The following EHBP1 variants were observed in gnomAD, a reference collection of about 807,000 sequenced individuals.
EHBP1 encodes the protein EH domain-binding protein 1.
EHBP1 carries 55 observed loss-of-function variants against 144.0 expected under a neutral mutation model. That is an observed-to-expected ratio of 0.38 (90% CI 0.31 to 0.48). EHBP1 has a LOEUF of 0.48. Ranked by LOEUF, EHBP1 falls within the 20% of genes least tolerant of loss-of-function variation. The pLI is 0.98. For missense variants in EHBP1, 1,200 were observed against 1,364.2 expected, an observed-to-expected ratio of 0.88 and a Z score of 1.90; for synonymous variants, 469 against 472.7, an observed-to-expected ratio of 0.99 and a Z score of 0.10.
chr2:62,782,269 A>G (rs755572606), intron 5 of EHBP1, among the ~76,000 whole-genome samples: 165 of 152,254 alleles, frequency 1.1e-3, no homozygotes, highest in Non-Finnish European at 1.7e-3. Flanking sequence ...TGGTAAATGT[A>G]TAATGATAGC....
chr2:62,826,355 A>G, intron 6 of EHBP1, 87 bp downstream of exon 6: 1 of 1,188,156 alleles, frequency 8.4e-7, no homozygotes, highest in Non-Finnish European at 1.1e-6. Flanking sequence ...ATAGTTGAAC[A>G]TCTTACAGCA....
chr2:62,881,436 AAAAG>A (rs1442237527), intron 10 of EHBP1, among the ~76,000 whole-genome samples: 1 of 151,426 alleles, frequency 6.6e-6, no homozygotes, highest in East Asian at 1.9e-4. Context: ...AAAAAAAAAA[AAAAG>A]AAGGAAAGGA....
intron 2 of EHBP1, among the ~76,000 whole-genome samples, chr2:62,720,938 C>T (rs1046989730): frequency 6.6e-6 from 1 of 152,194 alleles, no homozygotes; most frequent in East Asian, 1.9e-4. Flanking sequence ...CATATCACAT[C>T]ACCCAGCTTT....
chr2:62,961,987 C>A (rs2058024739), intron 14 of EHBP1, among the ~76,000 whole-genome samples: 1 of 152,056 alleles, frequency 6.6e-6, no homozygotes. Flanking sequence ...GAGATTGCGC[C>A]ACTACACTCC....
chr2:63,027,220 T>C (rs561774576), intron 19 of EHBP1, among the ~76,000 whole-genome samples: 119 of 152,316 alleles, frequency 7.8e-4, no homozygotes, highest in African/African-American at 2.7e-3. Flanking sequence ...ATCACTACCA[T>C]TATTATTCCC....
chr2:62,861,207 G>A (rs1160979344), intron 8 of EHBP1, among the ~76,000 whole-genome samples: 1 of 140,774 alleles, frequency 7.1e-6, no homozygotes, highest in Non-Finnish European at 1.5e-5. Flanking sequence ...TCGGCTCACT[G>A]CAACGTCCAA....
At chr2:62,859,712 A>G (rs1237073263) in intron 8 of EHBP1, among the ~76,000 whole-genome samples, 1 of 152,204 alleles carries the variant, frequency 6.6e-6, no homozygotes, top group African/African-American at 2.4e-5. Context: ...TGAGTTATGC[A>G]TGTGAAAACA....
At chr2:62,720,723 G>C (rs1332624357) in intron 2 of EHBP1, among the ~76,000 whole-genome samples, 1 of 152,152 alleles carries the variant, frequency 6.6e-6, no homozygotes, top group Non-Finnish European at 1.5e-5. Context: ...TGCAAAGATA[G>C]TACAGAGCAG....
intron 10 of EHBP1, among the ~76,000 whole-genome samples, chr2:62,883,592 A>G (rs941738705): frequency 6.6e-6 from 1 of 152,224 alleles, no homozygotes; most frequent in Non-Finnish European, 1.5e-5. Flanking sequence ...AGCCGTCTAT[A>G]GTCCCAGCTA....
At chr2:62,769,765 G>T (rs879208081) in intron 4 of EHBP1, among the ~76,000 whole-genome samples, 2 of 147,246 alleles carry the variant, frequency 1.4e-5, no homozygotes, top group Non-Finnish European at 3.0e-5. Flanking sequence ...ATACTGCAGG[G>T]CTATAATAAC....
At chr2:62,984,619 T>C (rs2059113397) in intron 15 of EHBP1, among the ~76,000 whole-genome samples, 1 of 152,260 alleles carries the variant, frequency 6.6e-6, no homozygotes. Flanking sequence ...AGGAAATATG[T>C]AACATTAACT....
intron 10 of EHBP1, among the ~76,000 whole-genome samples, chr2:62,890,333 A>G (rs1161741172): frequency 6.6e-6 from 1 of 152,124 alleles, no homozygotes; most frequent in Non-Finnish European, 1.5e-5. Context: ...TTTGGGCAAT[A>G]TGGCCATTTT....
chr2:63,024,892 A>C (rs796440473), intron 19 of EHBP1, among the ~76,000 whole-genome samples: 27 of 152,112 alleles, frequency 1.8e-4, no homozygotes, highest in African/African-American at 5.1e-4. Flanking sequence ...GCTACTCAGG[A>C]GGCTGAGGCA....
chr2:62,678,336 C>G (rs746655835), intron 1 of EHBP1, among the ~76,000 whole-genome samples: 2 of 152,100 alleles, frequency 1.3e-5, no homozygotes, highest in Non-Finnish European at 2.9e-5. Flanking sequence ...GATTATTAGA[C>G]TTTTTCCTAT....
intron 5 of EHBP1, 172 bp downstream of exon 5, chr2:62,771,564 G>C (rs1236219498): frequency 2.0e-6 from 1 of 510,548 alleles, no homozygotes; most frequent in South Asian, 3.1e-5. Flanking sequence ...AAAATTATTT[G>C]TAAGAAATGC....
intron 10 of EHBP1, among the ~76,000 whole-genome samples, chr2:62,925,717 T>A (rs2055452441): frequency 6.6e-6 from 1 of 152,058 alleles, no homozygotes; most frequent in Non-Finnish European, 1.5e-5. Flanking sequence ...TGAAAGACTC[T>A]ACATGGAAAA....
At chr2:62,800,696 T>C (rs1206454491) in intron 5 of EHBP1, among the ~76,000 whole-genome samples, 1 of 152,226 alleles carries the variant, frequency 6.6e-6, no homozygotes, top group Non-Finnish European at 1.5e-5. Context: ...GCAACCTTAC[T>C]AACAGATTGT....
chr2:62,994,948 T>A (rs2059570675), intron 18 of EHBP1, among the ~76,000 whole-genome samples: 1 of 152,214 alleles, frequency 6.6e-6, no homozygotes, highest in African/African-American at 2.4e-5. Context: ...TTTCTATTTT[T>A]AACTGAACCA....
At chr2:62,970,331 T>TA (rs1162821167) in intron 14 of EHBP1, among the ~76,000 whole-genome samples, 2 of 152,174 alleles carry the variant, frequency 1.3e-5, no homozygotes, top group Non-Finnish European at 2.9e-5. Context: ...TTACTAAGGC[T>TA]GTATGAAACA....
Sources: allele counts gnomAD v4.1 joint callset (sites outside exome capture counted in the v4.1 genomes callset), GRCh38; gene constraint gnomAD v4.1.1; transcripts MANE v1.5; gene names NCBI Gene and HGNC (gene_info 2026-07-23, HGNC 2026-07-21).